IL12RB2: variants seen among roughly 807,000 people sequenced by gnomAD.
IL12RB2 encodes interleukin 12 receptor subunit beta 2.
IL12RB2 carries 82 observed loss-of-function variants against 89.4 expected under a neutral mutation model. The observed-to-expected ratio is 0.92, with a 90% CI of 0.77 to 1.10. The LOEUF is 1.10. Among genes scored for constraint, IL12RB2 ranks in the 50% least tolerant of loss-of-function variants. IL12RB2 has a pLI of 0.00. For synonymous variants in IL12RB2, 368 were observed against 370.1 expected (o/e 0.99, Z 0.07); for missense variants, 963 against 1,031.9 (o/e 0.93, Z 0.92).
At position 67,389,645 on chromosome 1, in the gene IL12RB2, C is replaced by T. The variant is rs529113188; in HGVS notation, c.1947-384C>T. Among the ~76,000 whole-genome samples, 3 of 152,232 alleles carry T rather than the reference C, an allele frequency of 2.0e-5. No individual in the cohort carries two copies. The South Asian group carries it at 6.2e-4, about 32-fold the overall frequency. ...CACATAATTTACCTGTCATTACAAA[C>T]TCTTTGTAAATATTCTAATTAGCTA... On this transcript the variant is annotated intron_variant, in intron 15 of 16. Coordinates refer to ENST00000674203, the MANE Select transcript of IL12RB2 (RefSeq NM_001374259.2).
At chr1:67,309,050 A>G (rs1654673377) in intron 1 of IL12RB2, among the ~76,000 whole-genome samples, 1 of 151,466 alleles carries the variant, frequency 6.6e-6, no homozygotes, top group South Asian at 2.1e-4. Flanking sequence ...ATATACATAT[A>G]TATATATATA....
At chr1:67,361,596 C>T (rs183356162) in intron 10 of IL12RB2, among the ~76,000 whole-genome samples, 18 of 151,886 alleles carry the variant, frequency 1.2e-4, no homozygotes, top group South Asian at 2.1e-4. Flanking sequence ...CAATAGAAAC[C>T]GCTAAAACTG....
intron 3 of IL12RB2, among the ~76,000 whole-genome samples, chr1:67,320,958 G>A (rs1656429963): frequency 8.8e-6 from 1 of 113,006 alleles, no homozygotes; most frequent in Non-Finnish European, 1.7e-5. Context: ...TGTTCTCATT[G>A]TTCAACTCCC....
intron 11 of IL12RB2, among the ~76,000 whole-genome samples, chr1:67,370,927 C>G (rs1323244492): frequency 6.6e-6 from 1 of 152,190 alleles, no homozygotes; most frequent in Admixed American, 6.5e-5. Context: ...TGCAGCAGTT[C>G]CCAAGGCCTC....
At chr1:67,311,572 AACT>A (rs1361879918) in intron 1 of IL12RB2, among the ~76,000 whole-genome samples, 2 of 152,240 alleles carry the variant, frequency 1.3e-5, no homozygotes, top group Non-Finnish European at 2.9e-5. Flanking sequence ...CACAGTGATA[AACT>A]ACTAAGTAAA....
chr1:67,334,023 C>T (rs1042960088), intron 8 of IL12RB2, among the ~76,000 whole-genome samples: 4 of 152,134 alleles, frequency 2.6e-5, no homozygotes, highest in African/African-American at 4.8e-5. Flanking sequence ...TTTGGAGGGG[C>T]AGAGTGGTAA....
chr1:67,350,835 G>A, intron 9 of IL12RB2, 35 bp from the exon 10 acceptor site: 2 of 1,611,762 alleles, frequency 1.2e-6, no homozygotes, highest in South Asian at 2.2e-5. Context: ...GATCTTGTCT[G>A]GGAGTAAATA....
intron 10 of IL12RB2, among the ~76,000 whole-genome samples, chr1:67,358,568 C>T (rs951101024): frequency 2.0e-5 from 3 of 150,374 alleles, no homozygotes; most frequent in African/African-American, 7.3e-5. Flanking sequence ...AAGAGTGAAA[C>T]TCCATCTCAA....
rs545503248 is a variant in IL12RB2, at chr1:67,345,119, G to A, written c.1039-5751G>A. Among the ~76,000 whole-genome samples, 9 of 152,188 alleles carry A rather than the reference G, an allele frequency of 5.9e-5. No homozygotes were observed. The East Asian group carries it at 9.7e-4, about 16-fold the overall frequency. ...CCAGGAAGCAGAGTTGCAGTGAGCC[G>A]AGATCACGCCACTGCACTCCAGCCT... On this transcript the variant is annotated intron_variant, in intron 9 of 16. Coordinates refer to ENST00000674203, the MANE Select transcript of IL12RB2 (RefSeq NM_001374259.2).
chr1:67,344,086 A>G (rs764816486), intron 9 of IL12RB2, among the ~76,000 whole-genome samples: 6 of 152,038 alleles, frequency 3.9e-5, no homozygotes, highest in African/African-American at 1.4e-4. Flanking sequence ...TGGAAGGATG[A>G]TGGTTGAGCT....
At chr1:67,345,238 T>C (rs567598464) in intron 9 of IL12RB2, among the ~76,000 whole-genome samples, 7 of 152,342 alleles carry the variant, frequency 4.6e-5, no homozygotes, top group Non-Finnish European at 8.8e-5. Context: ...TTTTATTTGT[T>C]ATACGAAGTA....
chr1:67,386,510 C>T (rs531127371), intron 14 of IL12RB2, 69 bp from the exon 15 acceptor site: 2 of 1,079,056 alleles, frequency 1.9e-6, no homozygotes, highest in Non-Finnish European at 1.4e-6. Context: ...AGGGCGCATA[C>T]ACCAATCAGG....
chr1:67,381,311 A>G (rs1664544108), intron 14 of IL12RB2, among the ~76,000 whole-genome samples: 1 of 152,340 alleles, frequency 6.6e-6, no homozygotes, highest in East Asian at 1.9e-4. Context: ...CTCTCTAGCA[A>G]TGCTCATTTG....
chr1:67,368,982 T>A (rs1663001436), intron 11 of IL12RB2, among the ~76,000 whole-genome samples: 1 of 152,214 alleles, frequency 6.6e-6, no homozygotes, highest in Non-Finnish European at 1.5e-5. Context: ...CTAAATCCTA[T>A]AATGTTTCTA....
chr1:67,368,797 G>GA (rs1177703248), intron 11 of IL12RB2, among the ~76,000 whole-genome samples: 3 of 152,146 alleles, frequency 2.0e-5, no homozygotes, highest in Non-Finnish European at 4.4e-5. Flanking sequence ...TTCCTCATCT[G>GA]AAAAATGAGG....
rs1665646849 is a variant in IL12RB2, at chr1:67,390,140, T to C, written c.2046+12T>C. 4.1e-6 allele frequency: 4 copies of C among 979,512 alleles called. No individual in the cohort carries two copies. The highest frequency in any genetic ancestry group is 6.7e-6 in the Non-Finnish European group (4 of 599,494). The allele number at this position is 979,512 out of a possible 1,614,324, so 60.7% of individuals were successfully genotyped here. ...ATCCCATTGCAGAGGTAAGGTACAA[T>C]TCCTCTGTGGTCAGTCAGTGGAGTT... On this transcript the variant is annotated intron_variant, in intron 16 of 16. Transcript: ENST00000674203.
Position 67,330,811 on chromosome 1 carries a change from G to T in IL12RB2, c.958+1G>T. The T allele has an allele frequency of 6.6e-7, 1 of 1,525,280 alleles. No individual in the cohort carries two copies. The highest frequency in any genetic ancestry group is 9.1e-7 in the Non-Finnish European group (1 of 1,099,344). 94.5% of individuals were successfully genotyped at this position (1,525,280 alleles called of 1,614,324 possible). The stretch of plus-strand genomic sequence containing the variant: ...TTGAGAGCACAAACACCAGAAGAAG[G>T]TATATGTCCAAAATATACATACCTA... On this transcript the variant is annotated splice_donor_variant, in intron 8 of 16. Coordinates refer to ENST00000674203, the MANE Select transcript of IL12RB2 (RefSeq NM_001374259.2). LOFTEE classifies it high-confidence loss of function.
Position 67,397,854 on chromosome 1 carries a change from A to G in IL12RB2, c.*1765A>G, listed in dbSNP as rs953735844. ...TTCATTTAACAAAGTACTTGTTGTA[A>G]ATGTGTACTTCTTGCCTAACGTGAG... On this transcript the variant is annotated 3_prime_UTR_variant, in exon 17 of 17. Coordinates refer to ENST00000674203, the MANE Select transcript of IL12RB2 (RefSeq NM_001374259.2). Among the ~76,000 whole-genome samples, 17 of 152,182 alleles carry G rather than the reference A, an allele frequency of 1.1e-4. No individual in the cohort carries two copies. Among genetic ancestry groups the G allele is most frequent in the Non-Finnish European group, 4.4e-5 (3 of 68,024 alleles).
In IL12RB2 at chr1:67,390,110, G is replaced by A; in HGVS notation, c.2028G>A (p.Lys676=). 1 of 1,238,524 alleles carries A rather than the reference G, an allele frequency of 8.1e-7. No individual in the cohort carries two copies. The allele number at this position is 1,238,524 out of a possible 1,614,324, so 76.7% of individuals were successfully genotyped here. A position where few individuals can be genotyped will look rare whatever the true frequency, so the allele number is the denominator to read the frequency against. Residue 676 remains lysine, a synonymous_variant, in exon 16 of 17, where the codon AAG becomes AAA. Transcript: ENST00000674203. The part of the protein sequence containing the change: ...IPDPANSTCA[K]KYPIAEEKTQ... The stretch of plus-strand genomic sequence containing the variant: ...ATCCAGCAAATAGCACTTGCGCTAA[G>A]AAATATCCCATTGCAGAGGTAAGGT...
Sources: allele counts gnomAD v4.1 joint callset (sites outside exome capture counted in the v4.1 genomes callset), GRCh38; gene constraint gnomAD v4.1.1; transcripts MANE v1.5; gene names NCBI Gene and HGNC (gene_info 2026-07-23, HGNC 2026-07-21).